Variants in ATAT1 observed in about 807,000 individuals in gnomAD.
ATAT1 encodes alpha-tubulin N-acetyltransferase 1.
In ATAT1, 42 loss-of-function variants were observed where a neutral mutation model predicts 57.2. The observed-to-expected ratio is 0.73, with a 90% CI of 0.57 to 0.95. The LOEUF (loss-of-function observed/expected upper bound fraction) is 0.95, where lower values mean the gene tolerates loss of function less well. Among genes scored for constraint, ATAT1 ranks in the 40% least tolerant of loss-of-function variants. The pLI, the probability that ATAT1 is intolerant of heterozygous loss-of-function variation, is 0.00. For missense variants in ATAT1, 454 were observed against 523.7 expected, an observed-to-expected ratio of 0.87 and a Z score of 1.30; for synonymous variants, 168 against 187.1, an observed-to-expected ratio of 0.90 and a Z score of 0.83.
chr6:30,628,331 G>T lies in ATAT1; in HGVS notation c.402G>T (p.Lys134Asn). 6.2e-7 allele frequency: 1 copy of T among 1,612,928 alleles called. No individual in the cohort carries two copies. ...CCTGAGTCTCCTTTTCCCTGCAGAA[G>T]GAGCGAGTGGAACCGCACCAACTGG... is the stretch of plus-strand genomic sequence containing the variant. The change falls in exon 6 of 13, where the codon AAG (lysine) becomes AAT (asparagine). Residue 134 changes from lysine (K) to asparagine (N), a missense_variant and splice_region_variant. Lys to Asn is a moderately conservative substitution (Grantham distance 94). Transcript: ENST00000330083.
intron 6 of ATAT1, among the ~76,000 whole-genome samples, chr6:30,636,656 G>C (rs1349277484): frequency 6.6e-6 from 1 of 151,990 alleles, no homozygotes; most frequent in Non-Finnish European, 1.5e-5. Context: ...TGTGGTTGGA[G>C]TGCTGGGCAT....
At position 30,627,831 on chromosome 6, in the gene ATAT1, T is replaced by A; in HGVS notation, c.225-20T>A. 1 of 1,612,654 alleles carries A rather than the reference T, an allele frequency of 6.2e-7. No individual in the cohort carries two copies. Among genetic ancestry groups the A allele is most frequent in the Non-Finnish European group, 8.5e-7 (1 of 1,179,660 alleles). ...CAGATAGATACCACTAGCCTGTTCA[T>A]TATTTTCCCCGTCCTACAGGGCTGG... On this transcript the variant is annotated intron_variant, in intron 3 of 12. Coordinates refer to ENST00000330083, the MANE Select transcript of ATAT1 (RefSeq NM_001031722.4).
intron 6 of ATAT1, among the ~76,000 whole-genome samples, chr6:30,634,915 G>A (rs988995931): frequency 6.6e-6 from 1 of 151,992 alleles, no homozygotes; most frequent in Non-Finnish European, 1.5e-5. Context: ...GTGAACCCGG[G>A]AGGCAGAGCT....
intron 6 of ATAT1, among the ~76,000 whole-genome samples, chr6:30,631,232 C>A (rs1306029440): frequency 6.6e-6 from 1 of 152,034 alleles, no homozygotes; most frequent in Non-Finnish European, 1.5e-5. Context: ...GCCTGTAATC[C>A]CAGCACTTTG....
Position 30,642,833 on chromosome 6 carries a change from G to GGGCCCCCCCCCCCCCCCCCCC in ATAT1, c.754_755insGGCCCCCCCCCCCCCCCCCCC (p.Ala252delinsGlyProProProProProProPro). ...GGCCCCTCGCCGCGCCACACCTCCA[G>GGGCCCCCCCCCCCCCCCCCCC]CCCACCCACCCCCCCGCTCCAGCAG... On this transcript the variant is annotated protein_altering_variant, in exon 10 of 13. Coordinates refer to ENST00000330083, the MANE Select transcript of ATAT1 (RefSeq NM_001031722.4). 1 of 1,537,872 alleles carries GGGCCCCCCCCCCCCCCCCCCC rather than the reference G, an allele frequency of 6.5e-7. No homozygotes were observed. Among genetic ancestry groups the GGGCCCCCCCCCCCCCCCCCCC allele is most frequent in the Non-Finnish European group, 8.7e-7 (1 of 1,145,784 alleles).
At chr6:30,642,101 G>T in intron 8 of ATAT1, 75 bp from the exon 9 acceptor site, 1 of 1,608,022 alleles carries the variant, frequency 6.2e-7, no homozygotes, top group Non-Finnish European at 8.5e-7. Context: ...TTGGGGTTGG[G>T]GTATAGTGGC....
intron 10 of ATAT1, chr6:30,643,723 G>A: frequency 1.4e-6 from 2 of 1,431,484 alleles, no homozygotes; most frequent in Non-Finnish European, 1.8e-6. Flanking sequence ...GGATGTCAGG[G>A]TCTCAAACTG....
intron 9 of ATAT1, among the ~76,000 whole-genome samples, chr6:30,642,529 G>A (rs1765675945): frequency 6.6e-6 from 1 of 151,976 alleles, no homozygotes; most frequent in African/African-American, 2.4e-5. Context: ...TGTAATCCCA[G>A]CTACTTGGGA....
Position 30,646,126 on chromosome 6 carries a change from T to TC in ATAT1, c.1055+21dup. The TC allele has an allele frequency of 6.2e-7, 1 of 1,603,336 alleles. No individual in the cohort carries two copies. The highest frequency in any genetic ancestry group is 8.5e-7 in the Non-Finnish European group (1 of 1,174,992). On this transcript the variant is annotated intron_variant, in intron 12 of 12. Coordinates refer to ENST00000330083, the MANE Select transcript of ATAT1 (RefSeq NM_001031722.4). ...AAAGAATAGGTGAGGTCTAAACCCC[T>TC]CCCCTAACAGCCTCCCACCACCATC...
At position 30,642,910 on chromosome 6, in the gene ATAT1, G is replaced by A; in HGVS notation, c.831G>A (p.Gln277=). The change falls in exon 10 of 13, where the codon CAG becomes CAA. Residue 277 remains glutamine, a synonymous_variant. Transcript: ENST00000330083. The stretch of plus-strand genomic sequence containing the variant: ...CCCTCCGCCCCTTTGTGCCAGAGCA[G>A]GAGCTGCTGCGTTCCTTGCGCCTCT... The A allele has an allele frequency of 6.3e-7, 1 of 1,597,504 alleles. No individual in the cohort carries two copies. The highest frequency in any genetic ancestry group is 1.1e-5 in the South Asian group (1 of 90,666).
chr6:30,642,254 G>A lies in ATAT1; in HGVS notation c.688+7G>A, dbSNP rs529737452. On this transcript the variant is annotated splice_region_variant and intron_variant, in intron 9 of 12. Transcript: ENST00000330083. ...TCCTCTAGTGACCGAGAATGTAAGA[G>A]GGGCAAGGGTCGGGTGTCTGGGCCT... 22 of 1,614,158 alleles carry A rather than the reference G, an allele frequency of 1.4e-5. No individual in the cohort carries two copies. The African/African-American group carries it at 2.3e-4, about 17-fold the overall frequency.
At chr6:30,644,956 C>T (rs1408558138) in intron 10 of ATAT1, among the ~76,000 whole-genome samples, 1 of 152,190 alleles carries the variant, frequency 6.6e-6, no homozygotes, top group Non-Finnish European at 1.5e-5. Flanking sequence ...CTACCCTTTA[C>T]TCTGGGCGTG....
At position 30,642,833 on chromosome 6, in the gene ATAT1, G is replaced by GGGGCCCCCCCCCCCC; in HGVS notation, c.754_755insGGGCCCCCCCCCCCC (p.Ala252delinsGlyAlaProProProPro). 4 of 1,537,866 alleles carry GGGGCCCCCCCCCCCC rather than the reference G, an allele frequency of 2.6e-6. No individual in the cohort carries two copies. The highest frequency in any genetic ancestry group is 1.6e-5 in the African/African-American group (1 of 61,248). On this transcript the variant is annotated protein_altering_variant, in exon 10 of 13. Coordinates refer to ENST00000330083, the MANE Select transcript of ATAT1 (RefSeq NM_001031722.4). Reference sequence around the variant, plus strand: ...GGCCCCTCGCCGCGCCACACCTCCAGCCCACCCACCCCCCCGCTCCAGCAG... The same window carrying GGGGCCCCCCCCCCCC: ...GGCCCCTCGCCGCGCCACACCTCCAGGGGCCCCCCCCCCCCCCCACCCACCCCCCCGCTCCAGCAG...
intron 10 of ATAT1, chr6:30,644,354 G>A (rs1305258271): frequency 1.1e-5 from 11 of 985,674 alleles, no homozygotes; most frequent in East Asian, 1.1e-4. Flanking sequence ...GCTAGGTCCC[G>A]ATATACTCCT....
At position 30,644,132 on chromosome 6, in the gene ATAT1, A is replaced by G. The variant is rs560600482; in HGVS notation, c.932+1121A>G. The G allele has an allele frequency of 7.0e-5, 69 of 986,012 alleles. No homozygotes were observed. In the African/African-American group the frequency reaches 1.2e-3, roughly 17 times the overall value. The allele number at this position is 986,012 out of a possible 1,614,324, so 61.1% of individuals were successfully genotyped here. A position where few individuals can be genotyped will look rare whatever the true frequency, so the allele number is the denominator to read the frequency against. ...ACCAGCTTCCCAAAGGGATCTACTC[A>G]CCATTGCCAAACTCTTCATTTCCAC... On this transcript the variant is annotated intron_variant, in intron 10 of 12. Transcript: ENST00000330083.
chr6:30,626,889 G>C lies in ATAT1; in HGVS notation c.-315G>C. 6.2e-7 allele frequency: 1 copy of C among 1,607,294 alleles called. No homozygotes were observed. The highest frequency in any genetic ancestry group is 8.5e-7 in the Non-Finnish European group (1 of 1,177,686). Reference sequence around the variant, plus strand: ...GTCCGACCGCGCACAATGGGCCATGGAGTTCCCGTTCGATGTGGACGCGCT... The same window carrying C: ...GTCCGACCGCGCACAATGGGCCATGCAGTTCCCGTTCGATGTGGACGCGCT... On this transcript the variant is annotated 5_prime_UTR_variant, in exon 1 of 13. Coordinates refer to ENST00000330083, the MANE Select transcript of ATAT1 (RefSeq NM_001031722.4).
At chr6:30,640,478 G>A in intron 7 of ATAT1, 56 bp downstream of exon 7, 1 of 1,612,560 alleles carries the variant, frequency 6.2e-7, no homozygotes, top group Admixed American at 1.7e-5. Context: ...GGAAAGAGCT[G>A]GACTCTTGGT....
chr6:30,638,814 C>G (rs1458895983), intron 6 of ATAT1, among the ~76,000 whole-genome samples: 1 of 152,214 alleles, frequency 6.6e-6, no homozygotes, highest in South Asian at 2.1e-4. Context: ...TTTCCCCCAA[C>G]CTTCTTTCAA....
intron 6 of ATAT1, among the ~76,000 whole-genome samples, chr6:30,639,371 C>A (rs1319558635): frequency 1.3e-5 from 2 of 151,918 alleles, no homozygotes; most frequent in Admixed American, 1.3e-4. Flanking sequence ...AAATTGTGTT[C>A]TTTTTTGTTC....
Sources: gnomAD v4.1 joint callset for allele counts (sites outside exome capture counted in the v4.1 genomes callset) on GRCh38, gnomAD v4.1.1 for gene constraint, MANE v1.5 for transcripts, NCBI Gene and HGNC (gene_info 2026-07-23, HGNC 2026-07-21) for gene names.